Variants in GANC observed in about 807,000 individuals in gnomAD.
GANC encodes the protein glucosidase alpha, neutral C.
Under a neutral mutation model 124.2 loss-of-function variants are expected in GANC, and 117 were observed. The ratio of observed to expected loss-of-function variants is 0.94; its 90% CI spans 0.81 to 1.10. The LOEUF (loss-of-function observed/expected upper bound fraction) is 1.10, where lower values mean the gene tolerates loss of function less well. Among genes scored for constraint, GANC ranks in the 50% least tolerant of loss-of-function variants. The probability of loss-of-function intolerance (pLI) is 0.00; values close to 1 mark genes in which losing one functional copy is unlikely to be tolerated. For missense variants in GANC, 1,140 were observed against 1,095.0 expected, an observed-to-expected ratio of 1.04 and a Z score of -0.58; for synonymous variants, 377 against 376.8, an observed-to-expected ratio of 1.00 and a Z score of -0.01.
chr15:42,328,283 C>G (rs2918461), intron 13 of GANC, among the ~76,000 whole-genome samples: 113,246 of 152,064 alleles, frequency 0.74, 44,009 homozygotes, highest in Non-Finnish European at 0.87. Flanking sequence ...CTATTCATTT[C>G]CCTATTTGTG....
At chr15:42,343,211 T>C (rs540655610) in intron 19 of GANC, 57 bp downstream of exon 19, 11 of 1,438,520 alleles carry the variant, frequency 7.6e-6, no homozygotes, top group African/African-American at 1.4e-5. Flanking sequence ...TCCCTTCTTT[T>C]CTTTTAGGAA....
intron 3 of GANC, chr15:42,284,066 C>G (rs547808510): frequency 1.4e-6 from 1 of 692,534 alleles, no homozygotes; most frequent in South Asian, 1.5e-5. Context: ...GGTGGCCACT[C>G]ACTGTTCTAT....
Position 42,287,798 on chromosome 15 carries a change from A to G in GANC, c.309A>G (p.Thr103=), listed in dbSNP as rs2051805460. Residue 103 remains threonine, a synonymous_variant, in exon 4 of 24, where the codon ACA becomes ACG. Coordinates refer to ENST00000318010, the MANE Select transcript of GANC (RefSeq NM_198141.3). The part of the protein sequence containing the change: ...KPRFEVPDVL[T]SKPSTVRLIS... ...GATTTGAAGTTCCGGATGTCCTCACAAGCAAGCCAAGCACTGTAAGGTAAG... is the reference window on the plus strand; with the variant it reads ...GATTTGAAGTTCCGGATGTCCTCACGAGCAAGCCAAGCACTGTAAGGTAAG... 6.2e-7 allele frequency: 1 copy of G among 1,612,954 alleles called. No homozygotes were observed. The highest frequency in any genetic ancestry group is 1.3e-5 in the African/African-American group (1 of 74,830).
chr15:42,336,336 A>G (rs2052283463), intron 15 of GANC, among the ~76,000 whole-genome samples: 1 of 152,162 alleles, frequency 6.6e-6, no homozygotes. Flanking sequence ...TTGCACACCT[A>G]CAACCATCTG....
At chr15:42,348,257 C>T in intron 21 of GANC, 41 bp downstream of exon 21, 5 of 1,269,596 alleles carry the variant, frequency 3.9e-6, no homozygotes, top group Non-Finnish European at 5.7e-6. Flanking sequence ...TCTACTCTTT[C>T]TTTACAGTGA....
intron 2 of GANC, chr15:42,277,985 A>G (rs1393279633): frequency 1.8e-5 from 5 of 283,846 alleles, no homozygotes; most frequent in Non-Finnish European, 3.8e-5. Context: ...ATTGTATTAT[A>G]CAGTATAGCT....
chr15:42,323,337 T>G (rs2052176072), intron 11 of GANC, among the ~76,000 whole-genome samples: 1 of 152,096 alleles, frequency 6.6e-6, no homozygotes, highest in Non-Finnish European at 1.5e-5. Context: ...CCTTGTGGTC[T>G]TACAGTGAGT....
chr15:42,290,070 C>G (rs1057497029), intron 4 of GANC, among the ~76,000 whole-genome samples: 3 of 152,216 alleles, frequency 2.0e-5, no homozygotes, highest in Non-Finnish European at 4.4e-5. Flanking sequence ...GTTGTTCAAG[C>G]TACCCAGTTT....
At chr15:42,295,429 C>T (rs1032284964) in intron 5 of GANC, among the ~76,000 whole-genome samples, 1 of 151,558 alleles carries the variant, frequency 6.6e-6, no homozygotes, top group Non-Finnish European at 1.5e-5. Flanking sequence ...AACCTCATAA[C>T]ATTAACAAAA....
Position 42,352,305 on chromosome 15 carries a change from A to T in GANC, c.*166A>T. On this transcript the variant is annotated 3_prime_UTR_variant, in exon 24 of 24. Coordinates refer to ENST00000318010, the MANE Select transcript of GANC (RefSeq NM_198141.3). ...TGAACAATAGATTTCATGTTTCAAA[A>T]TTTCAGATTTTACATGTTAAGATGT... 1 of 1,421,340 alleles carries T rather than the reference A, an allele frequency of 7.0e-7. No individual in the cohort carries two copies. The highest frequency in any genetic ancestry group is 9.2e-7 in the Non-Finnish European group (1 of 1,088,838). 88.0% of individuals were successfully genotyped at this position (1,421,340 alleles called of 1,614,324 possible).
In GANC at chr15:42,353,397, A is replaced by AC. The variant is rs2052476629; in HGVS notation, c.*1259dup. On this transcript the variant is annotated 3_prime_UTR_variant, in exon 24 of 24. Transcript: ENST00000318010. ...TTTCCCATGAAGCCTAACTGCGTGA[A>AC]CACCCCTACCCCCATACCCATTAGC... 1.0e-6 allele frequency: 1 copy of AC among 978,120 alleles called. No homozygotes were observed. The highest frequency in any genetic ancestry group is 1.2e-6 in the Non-Finnish European group (1 of 823,118). 60.6% of individuals were successfully genotyped at this position (978,120 alleles called of 1,614,324 possible).
intron 10 of GANC, among the ~76,000 whole-genome samples, chr15:42,312,117 C>T (rs2052055768): frequency 6.6e-6 from 1 of 152,208 alleles, no homozygotes; most frequent in Non-Finnish European, 1.5e-5. Context: ...TTCACAGATT[C>T]ACTGCAATCC....
At chr15:42,350,923 G>A (rs1047556337) in intron 22 of GANC, among the ~76,000 whole-genome samples, 2 of 151,514 alleles carry the variant, frequency 1.3e-5, no homozygotes, top group Admixed American at 6.6e-5. Context: ...CCAGTCTGGA[G>A]TACAGTGGTG....
At chr15:42,277,937 A>G (rs2051691933) in intron 2 of GANC, 1 of 122,084 alleles carries the variant, frequency 8.2e-6, no homozygotes, top group Admixed American at 9.2e-5. Flanking sequence ...AAAAAAAAAA[A>G]CAGTCTTTAC....
chr15:42,348,091 G>C lies in GANC; in HGVS notation c.2305-12G>C. 2 of 1,501,450 alleles carry C rather than the reference G, an allele frequency of 1.3e-6. No individual in the cohort carries two copies. The allele number at this position is 1,501,450 out of a possible 1,614,324, so 93.0% of individuals were successfully genotyped here. Reference sequence around the variant, plus strand: ...TGAATACTGCTTCCCTGAGCGTGCTGCTCTGTTACAGATTCCAGTGTTTCA... The same window carrying C: ...TGAATACTGCTTCCCTGAGCGTGCTCCTCTGTTACAGATTCCAGTGTTTCA... On this transcript the variant is annotated splice_polypyrimidine_tract_variant and intron_variant, in intron 20 of 23. Transcript: ENST00000318010.
At chr15:42,306,911 A>G (rs1257079937) in intron 7 of GANC, among the ~76,000 whole-genome samples, 2 of 152,208 alleles carry the variant, frequency 1.3e-5, no homozygotes, top group African/African-American at 2.4e-5. Context: ...CAAATTCCAC[A>G]TTAAATTTTT....
chr15:42,288,116 A>C (rs531055554), intron 4 of GANC, among the ~76,000 whole-genome samples: 1 of 152,288 alleles, frequency 6.6e-6, no homozygotes, highest in East Asian at 1.9e-4. Flanking sequence ...CCTTCTCACA[A>C]AGAAAGTGGT....
At chr15:42,335,154 G>C (rs1473008322) in intron 15 of GANC, among the ~76,000 whole-genome samples, 1 of 151,952 alleles carries the variant, frequency 6.6e-6, no homozygotes, top group Non-Finnish European at 1.5e-5. Context: ...ACCTGGCAGA[G>C]ACACAAAAAA....
Position 42,278,035 on chromosome 15 carries a change from G to A in GANC, c.93-447G>A, listed in dbSNP as rs377014405. The A allele has an allele frequency of 6.3e-5, 25 of 394,074 alleles. No homozygotes were observed. The East Asian group carries it at 1.6e-3, about 26-fold the overall frequency. 24.4% of individuals were successfully genotyped at this position (394,074 alleles called of 1,614,324 possible). On this transcript the variant is annotated intron_variant, in intron 2 of 23. Coordinates refer to ENST00000318010, the MANE Select transcript of GANC (RefSeq NM_198141.3). ...CTCTCTGTTTAATAGGAAGAAAAGC[G>A]TATTATGTTAATTCTGAACAGGTAT...
Sources: allele counts gnomAD v4.1 joint callset (sites outside exome capture counted in the v4.1 genomes callset), GRCh38; gene constraint gnomAD v4.1.1; transcripts MANE v1.5; gene names NCBI Gene and HGNC (gene_info 2026-07-23, HGNC 2026-07-21).